MFHAS1: variants seen among roughly 807,000 people sequenced by gnomAD.
The protein encoded by MFHAS1 is malignant fibrous histiocytoma-amplified sequence 1.
Under a neutral mutation model 70.4 loss-of-function variants are expected in MFHAS1, and 50 were observed. The observed-to-expected ratio is 0.71, with a 90% CI of 0.57 to 0.90. MFHAS1 has a LOEUF of 0.90. Among genes scored for constraint, MFHAS1 ranks in the 40% least tolerant of loss-of-function variants. The pLI is 0.00. For missense variants in MFHAS1, 1,795 were observed against 1,347.6 expected (o/e 1.33, Z -5.20); for synonymous variants, 952 against 620.0 (o/e 1.54, Z -7.96).
intron 1 of MFHAS1, among the ~76,000 whole-genome samples, chr8:8,879,860 A>G (rs527368491): frequency 6.6e-6 from 1 of 152,314 alleles, no homozygotes; most frequent in Admixed American, 6.5e-5. Flanking sequence ...CTAATCTGGT[A>G]ATCATCTACA....
intron 1 of MFHAS1, among the ~76,000 whole-genome samples, chr8:8,799,888 G>A (rs779559855): frequency 1.3e-5 from 2 of 152,154 alleles, no homozygotes; most frequent in Non-Finnish European, 2.9e-5. Flanking sequence ...TCTTCACAAT[G>A]GCCCTAGATG....
chr8:8,879,837 T>C (rs1465237895), intron 1 of MFHAS1, among the ~76,000 whole-genome samples: 1 of 152,250 alleles, frequency 6.6e-6, no homozygotes, highest in Non-Finnish European at 1.5e-5. Context: ...CAACAGTGAT[T>C]GACGACACTT....
intron 1 of MFHAS1, among the ~76,000 whole-genome samples, chr8:8,888,950 G>C (rs1478153612): frequency 6.6e-6 from 1 of 150,616 alleles, no homozygotes; most frequent in Non-Finnish European, 1.5e-5. Context: ...GTGGGGAAGG[G>C]GATATATGGG....
intron 1 of MFHAS1, among the ~76,000 whole-genome samples, chr8:8,824,638 T>A (rs1807089918): frequency 6.6e-6 from 1 of 151,686 alleles, no homozygotes. Flanking sequence ...TCATGTAACA[T>A]AAGATCCTGC....
chr8:8,788,083 C>T (rs1270810066), intron 2 of MFHAS1, among the ~76,000 whole-genome samples: 4 of 152,178 alleles, frequency 2.6e-5, no homozygotes, highest in African/African-American at 9.7e-5. Flanking sequence ...CTTCCCTGTG[C>T]TTACAAGACT....
At chr8:8,820,493 G>C (rs1806913099) in intron 1 of MFHAS1, among the ~76,000 whole-genome samples, 1 of 152,128 alleles carries the variant, frequency 6.6e-6, no homozygotes, top group South Asian at 2.1e-4. Flanking sequence ...TTATTCACTT[G>C]ATCTCAATGT....
At chr8:8,847,120 C>T (rs982620913) in intron 1 of MFHAS1, among the ~76,000 whole-genome samples, 5 of 152,172 alleles carry the variant, frequency 3.3e-5, no homozygotes, top group Non-Finnish European at 5.9e-5. Context: ...TGATATTTTT[C>T]GTAATTGGCA....
At chr8:8,796,927 C>T (rs1466448114) in intron 2 of MFHAS1, among the ~76,000 whole-genome samples, 3 of 151,590 alleles carry the variant, frequency 2.0e-5, no homozygotes, top group Non-Finnish European at 4.4e-5. Flanking sequence ...ACCCGGGAGG[C>T]GGAGCTTGCA....
chr8:8,789,990 G>C (rs545975972), intron 2 of MFHAS1, among the ~76,000 whole-genome samples: 1 of 151,830 alleles, frequency 6.6e-6, no homozygotes, highest in Middle Eastern at 3.2e-3. Flanking sequence ...TGACCATCCC[G>C]GTACTTTCCT....
At chr8:8,856,216 G>A (rs953897606) in intron 1 of MFHAS1, among the ~76,000 whole-genome samples, 2 of 152,178 alleles carry the variant, frequency 1.3e-5, no homozygotes, top group African/African-American at 2.4e-5. Context: ...GCAGCCAAAG[G>A]AGCTGGGCAT....
chr8:8,790,305 C>G, intron 2 of MFHAS1: 1 of 891,484 alleles, frequency 1.1e-6, no homozygotes, highest in Non-Finnish European at 1.3e-6. Context: ...GAAATTCTCT[C>G]TGTTTCACGG....
chr8:8,849,064 C>CTT (rs145250762), intron 1 of MFHAS1, among the ~76,000 whole-genome samples: 2,308 of 75,790 alleles, frequency 0.03, 281 homozygotes, highest in Non-Finnish European at 0.045. Flanking sequence ...TCCTTTTTAC[C>CTT]TTTTTTTTTT....
chr8:8,815,712 G>C (rs1423876676), intron 1 of MFHAS1, among the ~76,000 whole-genome samples: 1 of 152,092 alleles, frequency 6.6e-6, no homozygotes, highest in Non-Finnish European at 1.5e-5. Context: ...TGAGGATGTG[G>C]GGGAACTGGA....
At chr8:8,807,101 C>A (rs1806317972) in intron 1 of MFHAS1, among the ~76,000 whole-genome samples, 2 of 152,042 alleles carry the variant, frequency 1.3e-5, no homozygotes, top group Non-Finnish European at 2.9e-5. Flanking sequence ...GAAAGCTGAG[C>A]GGCCCCTGAA....
chr8:8,842,542 T>C (rs1329015985), intron 1 of MFHAS1, among the ~76,000 whole-genome samples: 1 of 152,074 alleles, frequency 6.6e-6, no homozygotes, highest in Non-Finnish European at 1.5e-5. Flanking sequence ...ACTCACAACA[T>C]CAAAGTGACA....
intron 1 of MFHAS1, among the ~76,000 whole-genome samples, chr8:8,881,226 G>T (rs984546682): frequency 6.6e-6 from 1 of 152,136 alleles, no homozygotes; most frequent in Non-Finnish European, 1.5e-5. Context: ...AGAGATTGAG[G>T]AAGGAAAAAT....
At chr8:8,813,439 T>C (rs1338154502) in intron 1 of MFHAS1, among the ~76,000 whole-genome samples, 1 of 152,166 alleles carries the variant, frequency 6.6e-6, no homozygotes, top group African/African-American at 2.4e-5. Flanking sequence ...GTATAACAGC[T>C]CCATCACTGT....
chr8:8,888,415 C>G (rs575950044), intron 1 of MFHAS1, among the ~76,000 whole-genome samples: 2 of 152,100 alleles, frequency 1.3e-5, no homozygotes, highest in South Asian at 4.2e-4. Context: ...GGGGTGGGGA[C>G]CCAGGTGAGA....
intron 1 of MFHAS1, among the ~76,000 whole-genome samples, chr8:8,846,081 T>G (rs933078263): frequency 3.3e-5 from 5 of 151,756 alleles, no homozygotes; most frequent in Non-Finnish European, 5.9e-5. Context: ...GGCGAAACCC[T>G]GTCTCTACTA....
Sources: allele counts gnomAD v4.1 joint callset (sites outside exome capture counted in the v4.1 genomes callset), GRCh38; gene constraint gnomAD v4.1.1; transcripts MANE v1.5; gene names NCBI Gene and HGNC (gene_info 2026-07-23, HGNC 2026-07-21).